Variants in C1orf115 observed in about 807,000 individuals in gnomAD.
The protein encoded by C1orf115 is required for drug-induced death protein 1.
In C1orf115, 14 loss-of-function variants were observed where a neutral mutation model predicts 12.5. The ratio of observed to expected loss-of-function variants is 1.12; its 90% CI spans 0.74 to 1.75. The LOEUF is 1.75. C1orf115 is among the 40% of genes most tolerant of loss of function. The pLI is 0.00. For synonymous variants in C1orf115, 109 were observed against 104.6 expected, an observed-to-expected ratio of 1.04 and a Z score of -0.26; for missense variants, 237 against 220.8, an observed-to-expected ratio of 1.07 and a Z score of -0.46.
At position 220,696,522 on chromosome 1, in the gene C1orf115, G is replaced by A. The variant is rs924975041; in HGVS notation, c.310-90G>A. ...AGGAAAAATGATCTTTATATATGTCGCCGTGACTCATTTTTTTTCATGAAA... is the reference window on the plus strand; with the variant it reads ...AGGAAAAATGATCTTTATATATGTCACCGTGACTCATTTTTTTTCATGAAA... On this transcript the variant is annotated intron_variant, in intron 1 of 1. Coordinates refer to ENST00000294889, the MANE Select transcript of C1orf115 (RefSeq NM_024709.5). The A allele has an allele frequency of 2.3e-5, 32 of 1,386,400 alleles. 1 individual carries two copies. In the South Asian group the frequency reaches 2.9e-4, roughly 13 times the overall value. 85.9% of individuals were successfully genotyped at this position (1,386,400 alleles called of 1,614,324 possible).
chr1:220,696,004 A>T (rs1322008575), intron 1 of C1orf115, among the ~76,000 whole-genome samples: 1 of 152,146 alleles, frequency 6.6e-6, no homozygotes, highest in Non-Finnish European at 1.5e-5. Context: ...GTAGAAAAGG[A>T]AGAGGAGGAG....
At chr1:220,690,932 T>C (rs1173647787) in intron 1 of C1orf115, among the ~76,000 whole-genome samples, 2 of 152,176 alleles carry the variant, frequency 1.3e-5, no homozygotes, top group Non-Finnish European at 2.9e-5. Flanking sequence ...CTGTGCCTGC[T>C]ATTGCGCTCC....
chr1:220,693,940 C>T (rs984095802), intron 1 of C1orf115, among the ~76,000 whole-genome samples: 1 of 151,904 alleles, frequency 6.6e-6, no homozygotes, highest in African/African-American at 2.4e-5. Context: ...ATTAGCCTGG[C>T]GCGGTGGTGC....
intron 1 of C1orf115, among the ~76,000 whole-genome samples, chr1:220,691,122 T>C (rs2102515924): frequency 6.6e-6 from 1 of 152,152 alleles, no homozygotes; most frequent in East Asian, 1.9e-4. Flanking sequence ...TCCAGTAACA[T>C]CCCCTCCAGG....
chr1:220,690,428 G>A lies in C1orf115; in HGVS notation c.26G>A (p.Ser9Asn). Reference protein sequence around the residue: MTVGARLRSKAESSLLRRG... With the variant: MTVGARLRNKAESSLLRRG... ...ATGACGGTGGGAGCCAGGCTCCGAAGCAAGGCGGAGAGCAGCCTCCTGCGC... is the reference window on the plus strand; with the variant it reads ...ATGACGGTGGGAGCCAGGCTCCGAAACAAGGCGGAGAGCAGCCTCCTGCGC... Residue 9 changes from serine to asparagine, a missense_variant, in exon 1 of 2, where the codon AGC becomes AAC. Transcript: ENST00000294889. 1 of 1,440,692 alleles carries A rather than the reference G, an allele frequency of 6.9e-7. No individual in the cohort carries two copies. The highest frequency in any genetic ancestry group is 2.9e-5 in the Admixed American group (1 of 34,462). 89.2% of individuals were successfully genotyped at this position (1,440,692 alleles called of 1,614,324 possible).
chr1:220,696,579 TC>T, intron 1 of C1orf115, 32 bp from the exon 2 acceptor site: 1 of 1,553,546 alleles, frequency 6.4e-7, no homozygotes, highest in African/African-American at 1.3e-5. Context: ...CCTACCCTAA[TC>T]CTTTGCTTTT....
chr1:220,690,933 A>G (rs1031935417), intron 1 of C1orf115, among the ~76,000 whole-genome samples: 13 of 152,062 alleles, frequency 8.5e-5, no homozygotes, highest in African/African-American at 2.4e-4. Flanking sequence ...TGTGCCTGCT[A>G]TTGCGCTCCT....
At chr1:220,693,756 G>T (rs1670146405) in intron 1 of C1orf115, among the ~76,000 whole-genome samples, 1 of 152,142 alleles carries the variant, frequency 6.6e-6, no homozygotes, top group African/African-American at 2.4e-5. Context: ...CCCTCCTTCT[G>T]TTACTGTGAG....
At position 220,690,812 on chromosome 1, in the gene C1orf115, G is replaced by C. The variant is rs1670091446; in HGVS notation, c.309+101G>C. ...CCATCGACTCACCCAGTTTCTCCGG[G>C]CTGCACCTGCGACCCCTCCGCCCCC... On this transcript the variant is annotated intron_variant, in intron 1 of 1. Coordinates refer to ENST00000294889, the MANE Select transcript of C1orf115 (RefSeq NM_024709.5). 3 of 1,359,160 alleles carry C rather than the reference G, an allele frequency of 2.2e-6. No individual in the cohort carries two copies. The South Asian group carries it at 4.2e-5, about 19-fold the overall frequency. The allele number at this position is 1,359,160 out of a possible 1,614,324, so 84.2% of individuals were successfully genotyped here.
Position 220,698,875 on chromosome 1 carries a change from A to T in C1orf115, c.*2144A>T, listed in dbSNP as rs1161760506. 1 of 152,212 alleles carries T rather than the reference A, an allele frequency of 6.6e-6. No individual in the cohort carries two copies. The highest frequency in any genetic ancestry group is 1.9e-4 in the East Asian group (1 of 5,196). 9.4% of individuals were successfully genotyped at this position (152,212 alleles called of 1,614,324 possible). Reference sequence around the variant, plus strand: ...TCCTGGGAGTCAGGTTCACGGGTACAGAAGATGAATCTCAGATGTCACTCA... The same window carrying T: ...TCCTGGGAGTCAGGTTCACGGGTACTGAAGATGAATCTCAGATGTCACTCA... On this transcript the variant is annotated 3_prime_UTR_variant, in exon 2 of 2. Transcript: ENST00000294889.
chr1:220,694,602 T>A (rs1572268887), intron 1 of C1orf115, among the ~76,000 whole-genome samples: 1 of 152,222 alleles, frequency 6.6e-6, no homozygotes, highest in Admixed American at 6.5e-5. Flanking sequence ...AATCTCTCTG[T>A]GCTTTGAATG....
chr1:220,693,522 ACTGTATCT>A (rs1182577470), intron 1 of C1orf115, among the ~76,000 whole-genome samples: 1 of 152,192 alleles, frequency 6.6e-6, no homozygotes, highest in African/African-American at 2.4e-5. Flanking sequence ...CATTTAAAGA[ACTGTATCT>A]CTTAGCAACA....
At chr1:220,692,373 A>C (rs562648176) in intron 1 of C1orf115, among the ~76,000 whole-genome samples, 2 of 152,340 alleles carry the variant, frequency 1.3e-5, no homozygotes, top group Non-Finnish European at 2.9e-5. Context: ...TACAATAGTC[A>C]AAAGGTGGAA....
Position 220,690,445 on chromosome 1 carries a change from C to A in C1orf115, c.43C>A (p.Leu15Ile). 6.9e-7 allele frequency: 1 copy of A among 1,447,868 alleles called. No homozygotes were observed. Among genetic ancestry groups the A allele is most frequent in the Non-Finnish European group, 9.0e-7 (1 of 1,108,456 alleles). 89.7% of individuals were successfully genotyped at this position (1,447,868 alleles called of 1,614,324 possible). A position where few individuals can be genotyped will look rare whatever the true frequency, so the allele number is the denominator to read the frequency against. ...ARLRSKAESSLLRRGPRGRGR... is the reference protein window; with the variant it reads ...ARLRSKAESSILRRGPRGRGR... ...GCTCCGAAGCAAGGCGGAGAGCAGC[C>A]TCCTGCGCCGCGGGCCCCGAGGGCG... Residue 15 changes from leucine (L) to isoleucine (I), a missense_variant, in exon 1 of 2, where the codon CTC (leucine) becomes ATC (isoleucine). Transcript: ENST00000294889.
At position 220,699,132 on chromosome 1, in the gene C1orf115, A is replaced by C. The variant is rs1670235098; in HGVS notation, c.*2401A>C. The C allele has an allele frequency of 6.6e-6, 1 of 152,112 alleles. No individual in the cohort carries two copies. The highest frequency in any genetic ancestry group is 2.4e-5 in the African/African-American group (1 of 41,396). The allele number at this position is 152,112 out of a possible 1,614,324, so 9.4% of individuals were successfully genotyped here. On this transcript the variant is annotated 3_prime_UTR_variant, in exon 2 of 2. Transcript: ENST00000294889. ...ATCCTTTTCTTGTCCTATGATGTAAATAAAAGCCTCGATTTATGTAATGTT... is the reference window on the plus strand; with the variant it reads ...ATCCTTTTCTTGTCCTATGATGTAACTAAAAGCCTCGATTTATGTAATGTT...
chr1:220,693,076 A>G (rs1382382399), intron 1 of C1orf115, among the ~76,000 whole-genome samples: 2 of 152,190 alleles, frequency 1.3e-5, no homozygotes, highest in Non-Finnish European at 2.9e-5. Context: ...ATGGAGATAT[A>G]AAGCAGGTGA....
chr1:220,690,769 G>T, intron 1 of C1orf115, 58 bp downstream of exon 1: 1 of 1,527,710 alleles, frequency 6.5e-7, no homozygotes, highest in African/African-American at 1.4e-5. Flanking sequence ...CCGCGGGGGA[G>T]CGGGAGCCGG....
In C1orf115 at chr1:220,690,654, G is replaced by C; in HGVS notation, c.252G>C (p.Pro84=). ...LPERYEPLEE[P]APSEQPRKRY... ...AGCGCTACGAGCCACTGGAGGAGCC[G>C]GCGCCGAGCGAGCAGCCCAGGAAGA... Residue 84 remains proline, a synonymous_variant, in exon 1 of 2, where the codon CCG becomes CCC. Transcript: ENST00000294889. The C allele has an allele frequency of 6.3e-7, 1 of 1,591,596 alleles. No individual in the cohort carries two copies. Among genetic ancestry groups the C allele is most frequent in the Non-Finnish European group, 8.5e-7 (1 of 1,170,688 alleles).
At chr1:220,690,828 C>A in intron 1 of C1orf115, 117 bp downstream of exon 1, 1 of 1,214,106 alleles carries the variant, frequency 8.2e-7, no homozygotes, top group Non-Finnish European at 1.1e-6. Flanking sequence ...CCTGCGACCC[C>A]TCCGCCCCCG....
Sources: allele counts gnomAD v4.1 joint callset (sites outside exome capture counted in the v4.1 genomes callset), GRCh38; gene constraint gnomAD v4.1.1; transcripts MANE v1.5; gene names NCBI Gene and HGNC (gene_info 2026-07-23, HGNC 2026-07-21).